The following PCDHGB5 variants were observed in gnomAD, a reference collection of about 807,000 sequenced individuals.
PCDHGB5 encodes the protein protocadherin gamma subfamily B, 5, also known as protocadherin gamma-B5.
Under a neutral mutation model 62.9 loss-of-function variants are expected in PCDHGB5, and 48 were observed. The observed-to-expected ratio is 0.76, with a 90% CI of 0.61 to 0.97. The LOEUF is 0.97. Ranked by LOEUF, PCDHGB5 falls within the 50% of genes least tolerant of loss-of-function variation. The probability of loss-of-function intolerance (pLI) is 0.00; values close to 1 mark genes in which losing one functional copy is unlikely to be tolerated. For synonymous variants in PCDHGB5, 474 were observed against 511.2 expected (o/e 0.93, Z 0.98); for missense variants, 1,118 against 1,198.6 (o/e 0.93, Z 0.99).
chr5:141,414,934 G>A (rs1473788181), intron 1 of PCDHGB5: 1 of 1,614,146 alleles, frequency 6.2e-7, no homozygotes, highest in South Asian at 1.1e-5. Context: ...CCGCTCCGCA[G>A]AGCCCGGCTA....
chr5:141,497,005 A>T (rs1249733879), intron 2 of PCDHGB5, among the ~76,000 whole-genome samples: 1 of 152,134 alleles, frequency 6.6e-6, no homozygotes, highest in Non-Finnish European at 1.5e-5. Context: ...GGCAGCCAAC[A>T]TGGTGAAACC....
chr5:141,472,980 C>CAAAAAAAAAAAAAAAAAAAAAAA (rs60579131), intron 1 of PCDHGB5, among the ~76,000 whole-genome samples: 6 of 86,066 alleles, frequency 7.0e-5, no homozygotes, highest in Non-Finnish European at 1.0e-4. Context: ...GAGTGAAACT[C>CAAAAAAAAAAAAAAAAAAAAAAA]AAAAAAAAAA....
intron 1 of PCDHGB5, chr5:141,423,556 G>A (rs926962652): frequency 2.5e-6 from 4 of 1,613,550 alleles, no homozygotes; most frequent in African/African-American, 2.7e-5. Flanking sequence ...GCCCAACTAT[G>A]GGGACACGCT....
At position 141,408,301 on chromosome 5, in the gene PCDHGB5, C is replaced by T. The variant is rs1472435921; in HGVS notation, c.2397+7777C>T. 3.1e-6 allele frequency: 5 copies of T among 1,613,756 alleles called. No individual in the cohort carries two copies. In the Admixed American group the frequency reaches 8.3e-5, roughly 27 times the overall value. ...TCTACCCCACCCTGAGTGAGCCGAT[C>T]CGCTACTCGATTCCGGAGGAGCTGG... On this transcript the variant is annotated intron_variant, in intron 1 of 3. Transcript: ENST00000617380.
At chr5:141,421,964 C>A (rs772274014) in intron 1 of PCDHGB5, 3 of 1,611,350 alleles carry the variant, frequency 1.9e-6, no homozygotes, top group Non-Finnish European at 2.5e-6. Flanking sequence ...TTTACACAGT[C>A]CGTATATCGC....
Position 141,432,830 on chromosome 5 carries a change from C to G in PCDHGB5, c.2397+32306C>G, listed in dbSNP as rs780093171. On this transcript the variant is annotated intron_variant, in intron 1 of 3. Coordinates refer to ENST00000617380, the MANE Select transcript of PCDHGB5 (RefSeq NM_018925.3). The surrounding 1 kb of genome is among the most constrained non-coding windows in gnomAD (Gnocchi z 6.0). ...TAACTCTGAAACCTCAGACCTCACT[C>G]TGTACCTGGTGGTAGCGGTGGCCGC... 4 of 1,614,208 alleles carry G rather than the reference C, an allele frequency of 2.5e-6. No individual in the cohort carries two copies. The highest frequency in any genetic ancestry group is 2.2e-5 in the East Asian group (1 of 44,874).
At chr5:141,422,747 C>T (rs1381295469) in intron 1 of PCDHGB5, 2 of 1,611,224 alleles carry the variant, frequency 1.2e-6, no homozygotes, top group Non-Finnish European at 1.7e-6. Context: ...TCCTATGTCT[C>T]TATTAACTCC....
chr5:141,489,571 G>A lies in PCDHGB5; in HGVS notation c.2398-5236G>A, dbSNP rs1206848223. The A allele has an allele frequency of 1.9e-6, 3 of 1,613,884 alleles. No individual in the cohort carries two copies. The highest frequency in any genetic ancestry group is 2.2e-5 in the South Asian group (2 of 91,070). On this transcript the variant is annotated intron_variant, in intron 1 of 3. Transcript: ENST00000617380. The surrounding 1 kb of genome is among the most constrained non-coding windows in gnomAD (Gnocchi z 4.5). ...CCTGCTGCCAGTGCAGGTGGTGACT[G>A]AACACCCCCTGGAGCTAATCCGTGT...
chr5:141,500,937 C>G (rs910002814), intron 2 of PCDHGB5, among the ~76,000 whole-genome samples: 1 of 151,804 alleles, frequency 6.6e-6, no homozygotes, highest in Non-Finnish European at 1.5e-5. Context: ...GGCGCCATCT[C>G]GGCTCACTGC....
intron 2 of PCDHGB5, among the ~76,000 whole-genome samples, chr5:141,503,361 C>T (rs1021880248): frequency 6.6e-6 from 1 of 151,886 alleles, no homozygotes; most frequent in Non-Finnish European, 1.5e-5. Context: ...CTTTGGGAAG[C>T]GGAGGCAGGT....
chr5:141,461,058 T>C (rs1450016344), intron 1 of PCDHGB5, among the ~76,000 whole-genome samples: 2 of 152,010 alleles, frequency 1.3e-5, no homozygotes, highest in Admixed American at 1.3e-4. Context: ...CTTAGGTTGG[T>C]TTCACATTTT....
intron 1 of PCDHGB5, chr5:141,420,275 G>A: frequency 1.3e-6 from 2 of 1,524,576 alleles, no homozygotes; most frequent in Non-Finnish European, 1.8e-6. Flanking sequence ...TCTTAAACAG[G>A]TAAGTATTTA....
chr5:141,420,968 T>A (rs1031890748), intron 1 of PCDHGB5: 1 of 441,548 alleles, frequency 2.3e-6, no homozygotes, highest in Non-Finnish European at 4.0e-6. Context: ...GTTGCAATAA[T>A]AAGAATGGGC....
chr5:141,454,762 G>C (rs889314181), intron 1 of PCDHGB5, among the ~76,000 whole-genome samples: 4 of 115,056 alleles, frequency 3.5e-5, no homozygotes, highest in African/African-American at 6.6e-5. Context: ...ATCTTGACAT[G>C]TTTTTTACAA....
intron 1 of PCDHGB5, chr5:141,418,165 T>G (rs1296752918): frequency 6.2e-7 from 1 of 1,614,034 alleles, no homozygotes. Flanking sequence ...GAAGAAGATG[T>G]GAGTTGCAAT....
chr5:141,398,760 C>T lies in PCDHGB5; in HGVS notation c.633C>T (p.Val211=). 1 of 1,613,898 alleles carries T rather than the reference C, an allele frequency of 6.2e-7. No homozygotes were observed. The highest frequency in any genetic ancestry group is 8.5e-7 in the Non-Finnish European group (1 of 1,179,906). Residue 211 remains valine (V), a synonymous_variant, in exon 1 of 4, where the codon GTC becomes GTT. Coordinates refer to ENST00000617380, the MANE Select transcript of PCDHGB5 (RefSeq NM_018925.3). The stretch of plus-strand genomic sequence containing the variant: ...AACAACAGAGTTACCATCGTTTAGT[C>T]CTGACTGCCTTGGACGGTGGACATC... ...DREQQSYHRL[V]LTALDGGHPP...
At chr5:141,419,239 C>A in intron 1 of PCDHGB5, 3 of 1,614,008 alleles carry the variant, frequency 1.9e-6, no homozygotes, top group Non-Finnish European at 2.5e-6. Flanking sequence ...ACCTGGTCCA[C>A]GTGCCAGAAA....
rs751153896 is a variant in PCDHGB5, at chr5:141,477,514, T to C, written c.2398-17293T>C. On this transcript the variant is annotated intron_variant, in intron 1 of 3. Transcript: ENST00000617380. The surrounding 1 kb of genome is among the most constrained non-coding windows in gnomAD (Gnocchi z 4.9). ...CTCAATCTTCCTACGACGTTTACAT[T>C]GAAGAAAACAACCTCCCCGGGGCTC... is the stretch of plus-strand genomic sequence containing the variant. 2 of 1,614,114 alleles carry C rather than the reference T, an allele frequency of 1.2e-6. No individual in the cohort carries two copies. The highest frequency in any genetic ancestry group is 2.2e-5 in the East Asian group (1 of 44,878).
At chr5:141,503,729 G>C (rs531112359) in intron 2 of PCDHGB5, among the ~76,000 whole-genome samples, 1 of 152,190 alleles carries the variant, frequency 6.6e-6, no homozygotes, top group East Asian at 1.9e-4. Flanking sequence ...CTTTATGTTT[G>C]TTGTGATGGT....
Sources: allele counts gnomAD v4.1 joint callset (sites outside exome capture counted in the v4.1 genomes callset), GRCh38; gene constraint gnomAD v4.1.1; non-coding constraint Gnocchi (gnomAD v3.1); transcripts MANE v1.5; gene names NCBI Gene and HGNC (gene_info 2026-07-23, HGNC 2026-07-21).